Variants in C12orf42 observed in about 807,000 individuals in gnomAD.
The protein encoded by C12orf42 is chromosome 12 open reading frame 42.
In C12orf42, 25 loss-of-function variants were observed where a neutral mutation model predicts 21.6. That is an observed-to-expected ratio of 1.16 (90% CI 0.84 to 1.62). The LOEUF is 1.62. C12orf42 is among the 40% of genes most tolerant of loss of function. The probability of loss-of-function intolerance (pLI) is 0.00; values close to 1 mark genes in which losing one functional copy is unlikely to be tolerated. For synonymous variants in C12orf42, 174 were observed against 175.0 expected (o/e 0.99, Z 0.05); for missense variants, 483 against 459.3 (o/e 1.05, Z -0.47).
At chr12:103,162,439 T>C in the C12orf42 span, among the ~76,000 whole-genome samples, 1 of 152,086 alleles carries the variant, frequency 6.6e-6, no homozygotes, top group Non-Finnish European at 1.5e-5. Flanking sequence ...CATAGTGAAA[T>C]GGCCCTTTAT....
chr12:103,220,127 G>C, the C12orf42 span, among the ~76,000 whole-genome samples: 1 of 152,132 alleles, frequency 6.6e-6, no homozygotes, highest in Non-Finnish European at 1.5e-5. Context: ...GGATGAAACT[G>C]GAAACCATCA....
chr12:103,133,329 AC>A, the C12orf42 span, among the ~76,000 whole-genome samples: 3 of 151,876 alleles, frequency 2.0e-5, no homozygotes, highest in Non-Finnish European at 4.4e-5. Flanking sequence ...AAGCTTAAGA[AC>A]CCACCCACCT....
the C12orf42 span, among the ~76,000 whole-genome samples, chr12:103,214,093 C>T: frequency 2.0e-5 from 3 of 152,122 alleles, no homozygotes; most frequent in African/African-American, 4.8e-5. Flanking sequence ...TATGTAATAC[C>T]CCATTTAATA....
chr12:103,051,690 G>A, the C12orf42 span, among the ~76,000 whole-genome samples: 3 of 152,146 alleles, frequency 2.0e-5, no homozygotes, highest in African/African-American at 7.2e-5. Flanking sequence ...CATGAGCAGG[G>A]TTTTGGGGAG....
chr12:103,297,871 AG>A (rs1480406850), downstream of C12orf42, among the ~76,000 whole-genome samples: 10 of 150,084 alleles, frequency 6.7e-5, no homozygotes, highest in Non-Finnish European at 1.5e-4. Flanking sequence ...TTATCTCAAT[AG>A]ATGCAGAAAA....
At chr12:103,302,953 G>A (rs1413979866) in intron 5 of C12orf42, among the ~76,000 whole-genome samples, 5 of 152,258 alleles carry the variant, frequency 3.3e-5, no homozygotes, top group South Asian at 2.1e-4. Context: ...ATTGTCAAGC[G>A]GAGTTATTAA....
chr12:103,347,384 T>A (rs1024802178), intron 4 of C12orf42, among the ~76,000 whole-genome samples: 3 of 152,162 alleles, frequency 2.0e-5, no homozygotes, highest in Non-Finnish European at 4.4e-5. Context: ...GGACATGAAC[T>A]CATCCTTTTT....
At chr12:103,172,557 G>A in the C12orf42 span, among the ~76,000 whole-genome samples, 1 of 152,194 alleles carries the variant, frequency 6.6e-6, no homozygotes, top group Non-Finnish European at 1.5e-5. Flanking sequence ...TCTCAGAGAA[G>A]CAAAAGACTT....
intron 2 of C12orf42, among the ~76,000 whole-genome samples, chr12:103,406,475 C>T (rs1239227813): frequency 6.6e-6 from 1 of 152,134 alleles, no homozygotes; most frequent in Non-Finnish European, 1.5e-5. Context: ...ATGAAACATA[C>T]AAGGAAGGGG....
At chr12:103,491,475 G>A (rs1312176617) in intron 1 of C12orf42, among the ~76,000 whole-genome samples, 3 of 152,152 alleles carry the variant, frequency 2.0e-5, no homozygotes, top group African/African-American at 4.8e-5. Flanking sequence ...GATAATTGGC[G>A]AGATTAAAGA....
chr12:103,279,297 T>C (rs12309101), intron 4 of C12orf42, among the ~76,000 whole-genome samples: 16,761 of 152,154 alleles, frequency 0.11, 1,011 homozygotes, highest in African/African-American at 0.16. Context: ...ATTACACTGA[T>C]TGTGGTAATG....
the C12orf42 span, among the ~76,000 whole-genome samples, chr12:103,123,287 G>T: frequency 3.3e-5 from 5 of 152,168 alleles, no homozygotes; most frequent in African/African-American, 9.7e-5. Flanking sequence ...TTGCAGGTAG[G>T]GAGTGCTGAA....
the C12orf42 span, chr12:103,558,291 T>TTA: frequency 6.6e-6 from 1 of 152,234 alleles, no homozygotes; most frequent in Non-Finnish European, 1.5e-5. Context: ...AAAACCTAGC[T>TTA]TCCCATTGCA....
At chr12:103,421,886 G>C (rs987024916) in intron 2 of C12orf42, among the ~76,000 whole-genome samples, 2 of 152,010 alleles carry the variant, frequency 1.3e-5, no homozygotes, top group African/African-American at 4.8e-5. Flanking sequence ...AATCCTATTC[G>C]CCTGTCTTAT....
intron 2 of C12orf42, among the ~76,000 whole-genome samples, chr12:103,430,920 A>G (rs1950217469): frequency 6.6e-6 from 1 of 152,174 alleles, no homozygotes; most frequent in Admixed American, 6.5e-5. Flanking sequence ...AAATGAGAAC[A>G]CATGGACACA....
chr12:103,358,411 C>T (rs905936410), intron 4 of C12orf42, among the ~76,000 whole-genome samples: 1 of 151,970 alleles, frequency 6.6e-6, no homozygotes, highest in Non-Finnish European at 1.5e-5. Context: ...CTGGAATAAG[C>T]CATTTCAGGA....
chr12:103,258,662 A>T (rs1350961691), intron 10 of C12orf42, among the ~76,000 whole-genome samples: 1 of 152,090 alleles, frequency 6.6e-6, no homozygotes, highest in East Asian at 1.9e-4. Flanking sequence ...AAGATCAATG[A>T]CCAAAAACCT....
At chr12:103,513,799 AT>A in the C12orf42 span, among the ~76,000 whole-genome samples, 1 of 152,218 alleles carries the variant, frequency 6.6e-6, no homozygotes, top group Non-Finnish European at 1.5e-5. Flanking sequence ...GGACACAGCC[AT>A]TAATAAGAGC....
chr12:103,433,742 TCA>T (rs1950439675), intron 2 of C12orf42, among the ~76,000 whole-genome samples: 2 of 152,240 alleles, frequency 1.3e-5, no homozygotes, highest in Non-Finnish European at 2.9e-5. Flanking sequence ...TGCAACTTGT[TCA>T]GATTGTGACT....
Sources: gnomAD v4.1 joint callset for allele counts (sites outside exome capture counted in the v4.1 genomes callset) on GRCh38, gnomAD v4.1.1 for gene constraint, MANE v1.5 for transcripts, NCBI Gene and HGNC (gene_info 2026-07-23, HGNC 2026-07-21) for gene names.